Variants in EMCN observed in about 807,000 individuals in gnomAD.
The protein encoded by EMCN is endomucin, also known as MUC-14.
Under a neutral mutation model 38.4 loss-of-function variants are expected in EMCN, and 37 were observed. The ratio of observed to expected loss-of-function variants is 0.96; its 90% CI spans 0.74 to 1.27. The LOEUF (loss-of-function observed/expected upper bound fraction) is 1.27, where lower values mean the gene tolerates loss of function less well. Ranked by LOEUF, EMCN falls within the 50% of genes most tolerant of loss-of-function variation. The pLI is 0.00. For missense variants in EMCN, 318 were observed against 302.8 expected, an observed-to-expected ratio of 1.05 and a Z score of -0.37; for synonymous variants, 95 against 100.8, an observed-to-expected ratio of 0.94 and a Z score of 0.35.
Position 100,479,991 on chromosome 4 carries a change from G to A in EMCN, c.113C>T (p.Pro38Leu), listed in dbSNP as rs1251739294. ...TTCTGTGTTTGGTGTTGTTATAGAT[G>A]GTTTTGTTGTAGTAACAACAAGTGA... ...NNSLVVTTTK[P>L]SITTPNTESL... Residue 38 changes from proline (P) to leucine (L), a missense_variant, in exon 2 of 12, where the codon CCA (proline) becomes CTA (leucine). Physicochemically the swap from Pro to Leu is moderately conservative, Grantham distance 98 (BLOSUM62 -3). Transcript: ENST00000296420. 3 of 1,600,960 alleles carry A rather than the reference G, an allele frequency of 1.9e-6. No individual in the cohort carries two copies. Among genetic ancestry groups the A allele is most frequent in the East Asian group, 4.7e-5 (2 of 42,196 alleles).
In EMCN at chr4:100,505,692, G is replaced by A. The variant is rs201647366; in HGVS notation, c.64+12159C>T. Among the ~76,000 whole-genome samples, 18 of 152,162 alleles carry A rather than the reference G, an allele frequency of 1.2e-4. No individual in the cohort carries two copies. In the East Asian group the frequency reaches 3.3e-3, roughly 28 times the overall value. ...TCCCAGACTGTGAGCACAGCTTACG[G>A]CGCCACATCAAGTAATGTCTTTCAT... is the stretch of plus-strand genomic sequence containing the variant. On this transcript the variant is annotated intron_variant, in intron 1 of 11. Transcript: ENST00000296420.
intron 4 of EMCN, among the ~76,000 whole-genome samples, chr4:100,463,271 C>T (rs949528720): frequency 3.3e-5 from 5 of 152,100 alleles, no homozygotes; most frequent in Non-Finnish European, 7.4e-5. Flanking sequence ...CCATTCTTTT[C>T]TGTCAATTTG....
chr4:100,483,716 C>T (rs1728872834), intron 1 of EMCN, among the ~76,000 whole-genome samples: 1 of 152,094 alleles, frequency 6.6e-6, no homozygotes, highest in South Asian at 2.1e-4. Context: ...GAATTATTTC[C>T]TCTAACTACC....
intron 3 of EMCN, among the ~76,000 whole-genome samples, chr4:100,473,395 T>TTTTTTTTTTTTTTTTTC (rs1263222229): frequency 6.9e-6 from 1 of 143,962 alleles, no homozygotes; most frequent in Non-Finnish European, 1.5e-5. Flanking sequence ...TGTTTTTTTT[T>TTTTTTTTTTTTTTTTTC]TTGCTAATGA....
chr4:100,512,804 C>A, intron 1 of EMCN, among the ~76,000 whole-genome samples: 1 of 138,160 alleles, frequency 7.2e-6, no homozygotes. Flanking sequence ...AAAACTCCAT[C>A]TCAAAAAAAA....
At chr4:100,422,459 T>C (rs1726915003) in intron 7 of EMCN, among the ~76,000 whole-genome samples, 1 of 152,130 alleles carries the variant, frequency 6.6e-6, no homozygotes, top group African/African-American at 2.4e-5. Flanking sequence ...ATATTCTGTA[T>C]TCAGTCTTAG....
intron 11 of EMCN, among the ~76,000 whole-genome samples, chr4:100,404,937 G>T (rs1475251072): frequency 1.3e-5 from 2 of 151,882 alleles, no homozygotes; most frequent in Non-Finnish European, 2.9e-5. Flanking sequence ...TGTCTTCCAG[G>T]TTAACTATAT....
chr4:100,466,558 A>G (rs1314623378), intron 3 of EMCN, among the ~76,000 whole-genome samples: 2 of 152,262 alleles, frequency 1.3e-5, no homozygotes, highest in African/African-American at 4.8e-5. Context: ...GTGTGCAAAC[A>G]AAATGAAACA....
At chr4:100,471,387 T>A (rs1728472766) in intron 3 of EMCN, among the ~76,000 whole-genome samples, 1 of 151,706 alleles carries the variant, frequency 6.6e-6, no homozygotes. Context: ...CTACAAAAAC[T>A]GAGGCAAGAA....
At chr4:100,490,251 G>A (rs1376535098) in intron 1 of EMCN, among the ~76,000 whole-genome samples, 1 of 151,244 alleles carries the variant, frequency 6.6e-6, no homozygotes, top group Non-Finnish European at 1.5e-5. Flanking sequence ...TTTTTGTACA[G>A]CTGTGCAATG....
intron 4 of EMCN, among the ~76,000 whole-genome samples, chr4:100,461,859 C>A (rs1728187291): frequency 6.6e-6 from 1 of 152,168 alleles, no homozygotes; most frequent in African/African-American, 2.4e-5. Flanking sequence ...TAAGAGGGAG[C>A]TGAATCTTCA....
intron 3 of EMCN, among the ~76,000 whole-genome samples, chr4:100,473,372 TG>T (rs1397961290): frequency 0.041 from 3,996 of 98,604 alleles, 195 homozygotes; most frequent in Non-Finnish European, 0.05. Context: ...CGTGTTTTTT[TG>T]TTTTTTTTTT....
intron 3 of EMCN, among the ~76,000 whole-genome samples, chr4:100,471,053 A>C (rs1482695052): frequency 2.0e-5 from 3 of 151,954 alleles, no homozygotes; most frequent in African/African-American, 7.2e-5. Flanking sequence ...GAAAAAGAAG[A>C]GCAAACTAAA....
At chr4:100,514,462 C>A (rs1488868140) in intron 1 of EMCN, among the ~76,000 whole-genome samples, 1 of 152,056 alleles carries the variant, frequency 6.6e-6, no homozygotes, top group African/African-American at 2.4e-5. Context: ...AGTTTCCTTA[C>A]CTTTTATTTC....
intron 4 of EMCN, among the ~76,000 whole-genome samples, chr4:100,454,326 T>C (rs1309351797): frequency 6.6e-6 from 1 of 151,828 alleles, no homozygotes; most frequent in Non-Finnish European, 1.5e-5. Context: ...AGTTTAGCTA[T>C]TGAAGGGTGG....
intron 8 of EMCN, 26 bp from the exon 9 acceptor site, chr4:100,417,167 G>C: frequency 6.2e-7 from 1 of 1,613,222 alleles, no homozygotes. Flanking sequence ...GTTGTTATTA[G>C]AGTTGCAAAG....
At position 100,451,384 on chromosome 4, in the gene EMCN, T is replaced by A. The variant is rs111941344; in HGVS notation, c.377-3813A>T. On this transcript the variant is annotated intron_variant, in intron 4 of 11. Coordinates refer to ENST00000296420, the MANE Select transcript of EMCN (RefSeq NM_016242.4). ...TAGAATTTGAATCAGCATTTAGAGG[T>A]AGGAGGAGGAAAGAAGGAATAAAAA... is the stretch of plus-strand genomic sequence containing the variant. 4.7e-3 allele frequency among the ~76,000 whole-genome samples: 720 copies of A among 151,596 alleles called. 6 individuals carry two copies. The highest frequency in any genetic ancestry group is 0.017 in the African/African-American group (686 of 41,386).
chr4:100,437,296 A>G (rs746351314), intron 5 of EMCN, among the ~76,000 whole-genome samples: 37 of 151,948 alleles, frequency 2.4e-4, no homozygotes, highest in Non-Finnish European at 1.0e-4. Flanking sequence ...CTACATTTGC[A>G]TCTTAACCCC....
chr4:100,426,180 C>T (rs1418969635), intron 5 of EMCN, among the ~76,000 whole-genome samples: 2 of 152,076 alleles, frequency 1.3e-5, no homozygotes, highest in Non-Finnish European at 2.9e-5. Context: ...CCTGTGATTG[C>T]TATAATAATG....
Sources: gnomAD v4.1 joint callset for allele counts (sites outside exome capture counted in the v4.1 genomes callset) on GRCh38, gnomAD v4.1.1 for gene constraint, MANE v1.5 for transcripts, NCBI Gene and HGNC (gene_info 2026-07-23, HGNC 2026-07-21) for gene names.